Variants in CHCHD6 observed in about 807,000 individuals in gnomAD.
The protein encoded by CHCHD6 is coiled-coil-helix-coiled-coil-helix domain containing 6.
Under a neutral mutation model 32.3 loss-of-function variants are expected in CHCHD6, and 28 were observed. The observed-to-expected ratio is 0.87, with a 90% CI of 0.64 to 1.19. The LOEUF (loss-of-function observed/expected upper bound fraction) is 1.19. Ranked by LOEUF, CHCHD6 falls within the 50% of genes most tolerant of loss-of-function variation. The probability of loss-of-function intolerance (pLI) is 0.00; values close to 1 mark genes in which losing one functional copy is unlikely to be tolerated. For missense variants in CHCHD6, 333 were observed against 307.0 expected (o/e 1.08, Z -0.63); for synonymous variants, 122 against 117.5 (o/e 1.04, Z -0.25).
intron 6 of CHCHD6, among the ~76,000 whole-genome samples, chr3:126,942,915 G>T (rs1014592108): frequency 3.1e-4 from 47 of 152,230 alleles, no homozygotes; most frequent in African/African-American, 1.1e-3. Context: ...TCTGTGTGTG[G>T]GGGGGAGTAT....
chr3:126,947,993 C>T (rs2078663371), intron 6 of CHCHD6, among the ~76,000 whole-genome samples: 1 of 152,202 alleles, frequency 6.6e-6, no homozygotes, highest in South Asian at 2.1e-4. Context: ...ATGTGGTGGG[C>T]ATTGAAGTGT....
chr3:126,754,773 C>G (rs1287363196), intron 4 of CHCHD6, among the ~76,000 whole-genome samples: 1 of 152,224 alleles, frequency 6.6e-6, no homozygotes, highest in East Asian at 1.9e-4. Flanking sequence ...ATCGAATCCA[C>G]TTGCCACCTT....
intron 4 of CHCHD6, among the ~76,000 whole-genome samples, chr3:126,830,174 A>G (rs978316119): frequency 1.3e-5 from 2 of 152,218 alleles, no homozygotes; most frequent in Admixed American, 6.5e-5. Flanking sequence ...TTGTGGTAGC[A>G]GCCTGAGCTA....
intron 4 of CHCHD6, among the ~76,000 whole-genome samples, chr3:126,748,566 G>T (rs1936597936): frequency 6.7e-6 from 1 of 148,262 alleles, no homozygotes; most frequent in African/African-American, 2.5e-5. Context: ...CTGCACTCTA[G>T]CCTGGGCAAC....
intron 4 of CHCHD6, among the ~76,000 whole-genome samples, chr3:126,850,848 G>A (rs1423530889): frequency 6.6e-6 from 1 of 152,152 alleles, no homozygotes; most frequent in East Asian, 1.9e-4. Flanking sequence ...TTGCATTCCT[G>A]GGACACAGCT....
chr3:126,767,484 C>T (rs1014830929), intron 4 of CHCHD6: 1 of 585,364 alleles, frequency 1.7e-6, no homozygotes, highest in Non-Finnish European at 3.2e-6. Flanking sequence ...CCTGACTTTT[C>T]CTCCCATGCC....
intron 1 of CHCHD6, among the ~76,000 whole-genome samples, chr3:126,721,809 G>C (rs1459521090): frequency 6.9e-6 from 1 of 145,006 alleles, no homozygotes; most frequent in Non-Finnish European, 1.5e-5. Context: ...ATCTACTTTT[G>C]TGTCTAGAGA....
rs528263153 is a variant in CHCHD6, at chr3:126,841,306, G to T, written c.412-11341G>T. 1.8e-4 allele frequency among the ~76,000 whole-genome samples: 27 copies of T among 152,100 alleles called. No homozygotes were observed. In the South Asian group the frequency reaches 5.2e-3, roughly 29 times the overall value. ...ATCCAGTCTCATTGTTGGACATTTG[G>T]GTTGGTTCCAAGTCTTTGCTATTGT... is the stretch of plus-strand genomic sequence containing the variant. On this transcript the variant is annotated intron_variant, in intron 4 of 7. Transcript: ENST00000290913.
chr3:126,935,176 T>G (rs1293499959), intron 6 of CHCHD6: 1 of 987,218 alleles, frequency 1.0e-6, no homozygotes, highest in Non-Finnish European at 1.2e-6. Flanking sequence ...CATTTCTGCC[T>G]TGAATGTCAG....
chr3:126,891,135 G>A (rs1041250352), intron 5 of CHCHD6, among the ~76,000 whole-genome samples: 2 of 152,182 alleles, frequency 1.3e-5, no homozygotes, highest in African/African-American at 4.8e-5. Context: ...ACAGCCAGTA[G>A]ACCAGCATGC....
chr3:126,833,408 A>G (rs1940719930), intron 4 of CHCHD6, among the ~76,000 whole-genome samples: 1 of 152,240 alleles, frequency 6.6e-6, no homozygotes, highest in South Asian at 2.1e-4. Flanking sequence ...AAAGATCTGC[A>G]TAAATGTGTT....
intron 5 of CHCHD6, among the ~76,000 whole-genome samples, chr3:126,859,012 T>TGTG (rs779345655): frequency 6.6e-6 from 1 of 152,262 alleles, no homozygotes; most frequent in Non-Finnish European, 1.5e-5. Flanking sequence ...TGTTAGCGCC[T>TGTG]GTGGCTGTCT....
intron 4 of CHCHD6, among the ~76,000 whole-genome samples, chr3:126,768,226 T>C (rs1937454061): frequency 6.6e-6 from 1 of 152,202 alleles, no homozygotes; most frequent in Admixed American, 6.5e-5. Context: ...GAGTGAATTC[T>C]TGTGAGATCT....
intron 5 of CHCHD6, among the ~76,000 whole-genome samples, chr3:126,909,339 C>T (rs1166250180): frequency 1.3e-5 from 2 of 152,236 alleles, no homozygotes; most frequent in Non-Finnish European, 2.9e-5. Context: ...CCACCCCGCA[C>T]CTGTATTCTG....
intron 6 of CHCHD6, among the ~76,000 whole-genome samples, chr3:126,924,378 C>A (rs145545054): frequency 6.6e-6 from 1 of 152,328 alleles, no homozygotes; most frequent in African/African-American, 2.4e-5. Flanking sequence ...ATAGCTTTAT[C>A]TGAAATGTTT....
chr3:126,863,230 CCCT>C (rs1942026520), intron 5 of CHCHD6, among the ~76,000 whole-genome samples: 1 of 112,146 alleles, frequency 8.9e-6, no homozygotes, highest in African/African-American at 3.3e-5. Context: ...CACCACCTCC[CCCT>C]CCTCCACCAT....
intron 4 of CHCHD6, among the ~76,000 whole-genome samples, chr3:126,830,680 C>T (rs1240050757): frequency 1.3e-5 from 2 of 152,162 alleles, no homozygotes; most frequent in African/African-American, 4.8e-5. Context: ...ATGTGTTGTC[C>T]GCACGGTTTT....
chr3:126,863,682 C>A (rs551113895), intron 5 of CHCHD6, among the ~76,000 whole-genome samples: 1 of 148,174 alleles, frequency 6.7e-6, no homozygotes, highest in Admixed American at 6.6e-5. Context: ...CCACCTCCTC[C>A]TCCTCCACCA....
chr3:126,952,637 C>G (rs1166492294), intron 6 of CHCHD6, among the ~76,000 whole-genome samples: 2 of 152,198 alleles, frequency 1.3e-5, no homozygotes, highest in Non-Finnish European at 2.9e-5. Context: ...CAGCACCTCT[C>G]TAAGCAAGGA....
Sources: allele counts gnomAD v4.1 joint callset (sites outside exome capture counted in the v4.1 genomes callset), GRCh38; gene constraint gnomAD v4.1.1; transcripts MANE v1.5; gene names NCBI Gene and HGNC (gene_info 2026-07-23, HGNC 2026-07-21).